The following CNTNAP2 variants were observed in gnomAD, a reference collection of about 807,000 sequenced individuals.
CNTNAP2 encodes contactin-associated protein-like 2.
In CNTNAP2, 98 loss-of-function variants were observed where a neutral mutation model predicts 155.2. The ratio of observed to expected loss-of-function variants is 0.63; its 90% CI spans 0.54 to 0.75. The LOEUF is 0.75. CNTNAP2 is among the 30% of genes least tolerant of loss of function. The probability of loss-of-function intolerance (pLI) is 0.00; values close to 1 mark genes in which losing one functional copy is unlikely to be tolerated. For synonymous variants in CNTNAP2, 651 were observed against 631.2 expected, an observed-to-expected ratio of 1.03 and a Z score of -0.47; for missense variants, 1,727 against 1,688.1, an observed-to-expected ratio of 1.02 and a Z score of -0.40.
chr7:146,684,287 C>A (rs1482489093), intron 1 of CNTNAP2, among the ~76,000 whole-genome samples: 1 of 152,068 alleles, frequency 6.6e-6, no homozygotes, highest in Non-Finnish European at 1.5e-5. Context: ...AGTGTCAGGG[C>A]AAAGGCAACT....
At chr7:146,532,571 T>C (rs1797785295) in intron 1 of CNTNAP2, among the ~76,000 whole-genome samples, 5 of 152,200 alleles carry the variant, frequency 3.3e-5, no homozygotes, top group Admixed American at 3.3e-4. Flanking sequence ...ATGGGGTCTG[T>C]TGGCACAACA....
intron 1 of CNTNAP2, among the ~76,000 whole-genome samples, chr7:146,236,712 G>T (rs1213273464): frequency 2.0e-5 from 3 of 151,996 alleles, no homozygotes; most frequent in African/African-American, 7.2e-5. Context: ...CCAGGGAACT[G>T]GGGAAGCTTC....
In CNTNAP2 at chr7:147,867,820, C is replaced by T. The variant is rs369978201; in HGVS notation, c.2099-35745C>T. Among the ~76,000 whole-genome samples the T allele has an allele frequency of 3.2e-4, 48 of 152,218 alleles. 1 individual carries two copies. Among genetic ancestry groups the T allele is most frequent in the African/African-American group, 1.0e-3 (42 of 41,558 alleles). Reference sequence around the variant, plus strand: ...CCATCAGGTCATTCAAGGTTTTCTCCACACTGTTTATTATAGTTAGCCATT... The same window carrying T: ...CCATCAGGTCATTCAAGGTTTTCTCTACACTGTTTATTATAGTTAGCCATT... On this transcript the variant is annotated intron_variant, in intron 13 of 23. Transcript: ENST00000361727.
At chr7:147,706,764 T>C (rs1046699547) in intron 13 of CNTNAP2, among the ~76,000 whole-genome samples, 2 of 152,224 alleles carry the variant, frequency 1.3e-5, no homozygotes, top group African/African-American at 4.8e-5. Context: ...GCACCCAGAA[T>C]TCAAACATTT....
intron 3 of CNTNAP2, among the ~76,000 whole-genome samples, chr7:146,908,249 GA>G (rs1796188998): frequency 1.3e-5 from 2 of 151,742 alleles, no homozygotes; most frequent in African/African-American, 4.8e-5. Flanking sequence ...CAACGAGACA[GA>G]AAGTCAACAA....
rs543145333 is a variant in CNTNAP2 at position 146,144,166 on chromosome 7, T to C, written c.97+27193T>C. 2.1e-4 allele frequency among the ~76,000 whole-genome samples: 32 copies of C among 152,236 alleles called. No homozygotes were observed. The South Asian group carries it at 6.4e-3, about 31-fold the overall frequency. On this transcript the variant is annotated intron_variant, in intron 1 of 23. Coordinates refer to ENST00000361727, the MANE Select transcript of CNTNAP2 (RefSeq NM_014141.6). ...ATTTATTTATTTATTTATTTATTTATTTTGAGATGGGGCCTGGCTTTGTTG... is the reference window on the plus strand; with the variant it reads ...ATTTATTTATTTATTTATTTATTTACTTTGAGATGGGGCCTGGCTTTGTTG...
chr7:147,444,589 A>G (rs1201037811), intron 10 of CNTNAP2, among the ~76,000 whole-genome samples: 2 of 149,756 alleles, frequency 1.3e-5, no homozygotes, highest in East Asian at 3.9e-4. Flanking sequence ...TAAAACCACT[A>G]AATTTTATTT....
intron 3 of CNTNAP2, among the ~76,000 whole-genome samples, chr7:146,855,528 T>TG (rs1332190698): frequency 6.6e-6 from 1 of 151,926 alleles, no homozygotes; most frequent in Non-Finnish European, 1.5e-5. Context: ...TAAGTTGACA[T>TG]GGGGTGGATT....
chr7:148,254,649 A>G (rs1052826305), intron 20 of CNTNAP2, among the ~76,000 whole-genome samples: 15 of 151,804 alleles, frequency 9.9e-5, no homozygotes, highest in South Asian at 2.1e-4. Flanking sequence ...GGTGGCGGGC[A>G]CCTGTAGTCC....
chr7:146,744,297 T>TA, intron 1 of CNTNAP2, among the ~76,000 whole-genome samples: 1 of 150,750 alleles, frequency 6.6e-6, no homozygotes, highest in Non-Finnish European at 1.5e-5. Flanking sequence ...AACAACCTGG[T>TA]TAAATATCAA....
At chr7:147,038,839 A>G (rs1799207667) in intron 3 of CNTNAP2, among the ~76,000 whole-genome samples, 1 of 152,200 alleles carries the variant, frequency 6.6e-6, no homozygotes, top group Non-Finnish European at 1.5e-5. Flanking sequence ...ATTGTTAAAA[A>G]TTATAAGATG....
intron 11 of CNTNAP2, among the ~76,000 whole-genome samples, chr7:147,502,814 T>C (rs1250504676): frequency 6.6e-6 from 1 of 151,964 alleles, no homozygotes; most frequent in Admixed American, 6.6e-5. Context: ...TTGTCATGTG[T>C]ACCTCCATGA....
At chr7:147,522,124 AG>A (rs1341661301) in intron 11 of CNTNAP2, among the ~76,000 whole-genome samples, 3 of 152,206 alleles carry the variant, frequency 2.0e-5, no homozygotes, top group African/African-American at 7.2e-5. Flanking sequence ...AGTATCTCTG[AG>A]GCCTCTTTTA....
chr7:146,661,998 A>G (rs546012198), intron 1 of CNTNAP2, among the ~76,000 whole-genome samples: 34 of 152,256 alleles, frequency 2.2e-4, no homozygotes, highest in Admixed American at 1.7e-3. Context: ...CCATTTTCAT[A>G]GGTGTAGTGT....
chr7:147,356,494 G>C (rs1270660456), intron 9 of CNTNAP2, among the ~76,000 whole-genome samples: 3 of 152,066 alleles, frequency 2.0e-5, no homozygotes, highest in Admixed American at 2.0e-4. Flanking sequence ...CAGATTGTCT[G>C]TGTTTGCAGA....
At chr7:147,851,248 C>T (rs1237936349) in intron 13 of CNTNAP2, among the ~76,000 whole-genome samples, 12 of 152,022 alleles carry the variant, frequency 7.9e-5, no homozygotes, top group African/African-American at 1.2e-4. Flanking sequence ...GTTAGAATGG[C>T]GATCATTAAA....
intron 1 of CNTNAP2, among the ~76,000 whole-genome samples, chr7:146,272,357 A>T (rs1800095854): frequency 6.6e-6 from 1 of 152,096 alleles, no homozygotes. Flanking sequence ...GCACGTGGGG[A>T]TTATGGGAAC....
chr7:147,424,594 T>G (rs1797348823), intron 10 of CNTNAP2, among the ~76,000 whole-genome samples: 1 of 152,078 alleles, frequency 6.6e-6, no homozygotes, highest in African/African-American at 2.4e-5. Context: ...CTACACCTAC[T>G]CCCTAGGAGA....
chr7:147,762,774 AGGAAGG>A (rs201762201), intron 13 of CNTNAP2, among the ~76,000 whole-genome samples: 17 of 147,434 alleles, frequency 1.2e-4, no homozygotes, highest in African/African-American at 3.6e-4. Context: ...AAAGGAAGGA[AGGAAGG>A]GGAAGGGGAA....
Sources: gnomAD v4.1 joint callset for allele counts (sites outside exome capture counted in the v4.1 genomes callset) on GRCh38, gnomAD v4.1.1 for gene constraint, MANE v1.5 for transcripts, NCBI Gene and HGNC (gene_info 2026-07-23, HGNC 2026-07-21) for gene names.